Variants in IDS observed in about 807,000 individuals in gnomAD.
IDS encodes alpha-L-iduronate sulfate sulfatase.
Under a neutral mutation model 33.5 loss-of-function variants are expected in IDS, and 1 was observed. The observed-to-expected ratio is 0.03, with a 90% CI of 0.01 to 0.14. The LOEUF (loss-of-function observed/expected upper bound fraction) is 0.14. Among genes scored for constraint, IDS ranks in the 10% least tolerant of loss-of-function variants. IDS has a pLI of 1.00. For synonymous variants in IDS, 191 were observed against 184.4 expected, an observed-to-expected ratio of 1.04 and a Z score of -0.29; for missense variants, 328 against 448.0, an observed-to-expected ratio of 0.73 and a Z score of 2.42.
chrX:149,501,940 T>C, intron 3 of IDS: 1 of 231,885 alleles, frequency 4.3e-6, no homozygotes, highest in Non-Finnish European at 8.2e-6. Context: ...CTTAGCATCC[T>C]TGCAACCTCT....
At chrX:149,483,436 A>G (rs1179086141) in intron 8 of IDS, among the ~76,000 whole-genome samples, 3 of 111,583 alleles carry the variant, frequency 2.7e-5, no homozygotes, top group Non-Finnish European at 5.7e-5. Context: ...TTAGGGCCCC[A>G]CGAGGCTGTT....
At position 149,505,048 on chromosome X, in the gene IDS, G is replaced by A. The variant is rs2124069126; in HGVS notation, c.90C>T (p.Ala30=). 1 of 1,204,804 alleles carries A rather than the reference G, an allele frequency of 8.3e-7. No homozygotes were observed. The highest frequency in any genetic ancestry group is 3.0e-5 in the East Asian group (1 of 33,594). The change falls in exon 1 of 9, where the codon GCC becomes GCT. Residue 30 remains alanine, a synonymous_variant. Coordinates refer to ENST00000340855, the MANE Select transcript of IDS (RefSeq NM_000202.8). ...VCVALGSETQ[A]NSTTDALNVL... is the part of the protein sequence containing the mutation. Reference sequence around the variant, plus strand: ...CGTGGGCGGCACCTGTGGTCGAGTTGGCCTGCGTTTCGGATCCGAGGGCGA... The same window carrying A: ...CGTGGGCGGCACCTGTGGTCGAGTTAGCCTGCGTTTCGGATCCGAGGGCGA...
rs2089278543 is a variant in IDS at position 149,478,556 on chromosome X, T to G, written c.*4190A>C. 2.7e-5 allele frequency: 3 copies of G among 112,997 alleles called. No homozygotes were observed. The highest frequency in any genetic ancestry group is 9.6e-5 in the African/African-American group (3 of 31,111). 9.3% of individuals were successfully genotyped at this position (112,997 alleles called of 1,213,427 possible). ...GATTATATGTGGTAGTCTGCATGTA[T>G]GTAAAGCTAAATATGTCCATATCTG... On this transcript the variant is annotated 3_prime_UTR_variant, in exon 9 of 9. Transcript: ENST00000340855.
chrX:149,488,700 T>G (rs2089362512), intron 7 of IDS, among the ~76,000 whole-genome samples: 1 of 110,306 alleles, frequency 9.1e-6, no homozygotes, highest in African/African-American at 3.3e-5. Context: ...GTATTGAACA[T>G]CTGGTGCCGG....
Position 149,490,445 on chromosome X carries a change from A to G in IDS, c.880-5T>C. ...GTAGCTCTGGCGGATTTTCCGCTGC[A>G]AATTGAAAAAAAATAAAAATGAGAG... On this transcript the variant is annotated splice_region_variant and splice_polypyrimidine_tract_variant and intron_variant, in intron 6 of 8. Transcript: ENST00000340855. 1.7e-6 allele frequency: 2 copies of G among 1,210,297 alleles called. No individual in the cohort carries two copies. The highest frequency in any genetic ancestry group is 3.5e-5 in the South Asian group (2 of 56,937).
chrX:149,487,870 C>T (rs782708707), intron 7 of IDS, among the ~76,000 whole-genome samples: 31 of 94,440 alleles, frequency 3.3e-4, no homozygotes, highest in African/African-American at 1.0e-3. Context: ...AAAGCTGCCA[C>T]GGGTAAATTT....
chrX:149,485,153 T>G (rs949508699), intron 8 of IDS, among the ~76,000 whole-genome samples: 3 of 111,991 alleles, frequency 2.7e-5, no homozygotes. Flanking sequence ...GGCCAGAACA[T>G]GTAAGGCCAC....
chrX:149,485,005 C>T (rs2089324640), intron 8 of IDS, among the ~76,000 whole-genome samples: 1 of 111,810 alleles, frequency 8.9e-6, no homozygotes, highest in Non-Finnish European at 1.9e-5. Flanking sequence ...AATACAACAG[C>T]CCATGTAGCA....
At chrX:149,495,445 T>C (rs782621423) in intron 6 of IDS, 1 of 108,291 alleles carries the variant, frequency 9.2e-6, no homozygotes, top group African/African-American at 3.4e-5. Flanking sequence ...AAACTTCTGA[T>C]GAATCAGAAT....
intron 8 of IDS, among the ~76,000 whole-genome samples, chrX:149,483,449 C>T (rs1351714821): frequency 1.8e-5 from 2 of 111,415 alleles, no homozygotes; most frequent in East Asian, 2.8e-4. Flanking sequence ...AGGCTGTTGG[C>T]GCTTTTTAAA....
rs1193197106 is a variant in IDS, at chrX:149,478,811, G to A, written c.*3935C>T. 8.9e-6 allele frequency: 1 copy of A among 111,958 alleles called. No individual in the cohort carries two copies. The highest frequency in any genetic ancestry group is 1.9e-5 in the Non-Finnish European group (1 of 53,228). 9.2% of individuals were successfully genotyped at this position (111,958 alleles called of 1,213,427 possible). On this transcript the variant is annotated 3_prime_UTR_variant, in exon 9 of 9. Coordinates refer to ENST00000340855, the MANE Select transcript of IDS (RefSeq NM_000202.8). The stretch of plus-strand genomic sequence containing the variant: ...ATTTATTCAATGTCCAGATTGGGGA[G>A]GGGTCTGTGTGTTTAACAGGAAAAG...
chrX:149,488,461 C>G (rs1220045798), intron 7 of IDS, among the ~76,000 whole-genome samples: 1 of 110,638 alleles, frequency 9.0e-6, no homozygotes, highest in African/African-American at 3.3e-5. Flanking sequence ...CCTGGCAGTG[C>G]GACCTCAGGA....
Position 149,504,286 on chromosome X carries a change from C to T in IDS, c.111G>A (p.Leu37=). ...CATCCACGATGATGAGAAGAACGTT[C>T]AGAGCATCTACACAGGAGGGAGGGG... is the stretch of plus-strand genomic sequence containing the variant. ...ETQANSTTDA[L]NVLLIIVDDL... The change falls in exon 2 of 9, where the codon CTG becomes CTA. Residue 37 remains leucine (L), a synonymous_variant. Coordinates refer to ENST00000340855, the MANE Select transcript of IDS (RefSeq NM_000202.8). 1 of 1,201,301 alleles carries T rather than the reference C, an allele frequency of 8.3e-7. No individual in the cohort carries two copies. Among genetic ancestry groups the T allele is most frequent in the Non-Finnish European group, 1.1e-6 (1 of 890,163 alleles).
intron 7 of IDS, among the ~76,000 whole-genome samples, chrX:149,489,264 C>T (rs782082972): frequency 8.9e-6 from 1 of 112,765 alleles, no homozygotes; most frequent in Non-Finnish European, 1.9e-5. Context: ...AGAAATGACA[C>T]AGAGATTGCC....
In IDS at chrX:149,478,809, G is replaced by A. The variant is rs981803455; in HGVS notation, c.*3937C>T. ...ATATTTATTCAATGTCCAGATTGGG[G>A]AGGGGTCTGTGTGTTTAACAGGAAA... On this transcript the variant is annotated 3_prime_UTR_variant, in exon 9 of 9. Transcript: ENST00000340855. 4.5e-5 allele frequency: 5 copies of A among 112,004 alleles called. No individual in the cohort carries two copies. The East Asian group carries it at 1.1e-3, about 25-fold the overall frequency. 9.2% of individuals were successfully genotyped at this position (112,004 alleles called of 1,213,427 possible).
intron 3 of IDS, chrX:149,502,025 T>A: frequency 3.9e-6 from 1 of 257,485 alleles, no homozygotes; most frequent in Non-Finnish European, 7.7e-6. Flanking sequence ...CCCACCTTGC[T>A]TGCTGTTGGG....
rs1461654004 is a variant in IDS, at chrX:149,480,505, C to A, written c.*2241G>T. 1 of 296,395 alleles carries A rather than the reference C, an allele frequency of 3.4e-6. No homozygotes were observed. Among genetic ancestry groups the A allele is most frequent in the Admixed American group, 6.1e-5 (1 of 16,503 alleles). The allele number at this position is 296,395 out of a possible 1,213,427, so 24.4% of individuals were successfully genotyped here. ...ATCTAGGAGTCTCCAAAGAAAATCA[C>A]AGTCCTGCTGTGTTGCCGAGGCTGG... On this transcript the variant is annotated 3_prime_UTR_variant, in exon 9 of 9. Coordinates refer to ENST00000340855, the MANE Select transcript of IDS (RefSeq NM_000202.8).
chrX:149,494,847 A>G (rs1475752102), intron 6 of IDS, among the ~76,000 whole-genome samples: 1 of 112,234 alleles, frequency 8.9e-6, no homozygotes, highest in African/African-American at 3.2e-5. Flanking sequence ...GGGAGGTAAC[A>G]TGACTTGACA....
rs782816842 is a variant in IDS, at chrX:149,488,458, G to C, written c.1007-1360C>G. On this transcript the variant is annotated intron_variant, in intron 7 of 8. Transcript: ENST00000340855. ...GATGGCAACGTGAGGGAACCTGGCA[G>C]TGCGACCTCAGGAATCCACTCCCGG... Among the ~76,000 whole-genome samples, 6 of 110,906 alleles carry C rather than the reference G, an allele frequency of 5.4e-5. No homozygotes were observed. In the East Asian group the frequency reaches 1.7e-3, roughly 32 times the overall value.
Sources: allele counts gnomAD v4.1 joint callset (sites outside exome capture counted in the v4.1 genomes callset), GRCh38; gene constraint gnomAD v4.1.1; transcripts MANE v1.5; gene names NCBI Gene and HGNC (gene_info 2026-07-23, HGNC 2026-07-21).